The following CHST11 variants were observed in gnomAD, a reference collection of about 807,000 sequenced individuals.
CHST11 encodes carbohydrate sulfotransferase 11, also known as C4S-1.
In CHST11, 9 loss-of-function variants were observed where a neutral mutation model predicts 30.4. The observed-to-expected ratio is 0.30, with a 90% CI of 0.18 to 0.52. CHST11 has a LOEUF of 0.52. Among genes scored for constraint, CHST11 ranks in the 20% least tolerant of loss-of-function variants. The pLI is 0.97. For missense variants in CHST11, 348 were observed against 460.6 expected (o/e 0.76, Z 2.24); for synonymous variants, 152 against 187.8 (o/e 0.81, Z 1.56).
At chr12:104,649,742 A>G (rs991469206) in intron 2 of CHST11, among the ~76,000 whole-genome samples, 5 of 152,244 alleles carry the variant, frequency 3.3e-5, no homozygotes, top group African/African-American at 1.2e-4. Context: ...TTGGCAAATT[A>G]TGAGTTTTGT....
At chr12:104,462,613 A>G (rs2037420310) in intron 1 of CHST11, among the ~76,000 whole-genome samples, 1 of 152,144 alleles carries the variant, frequency 6.6e-6, no homozygotes, top group African/African-American at 2.4e-5. Flanking sequence ...AGTCTTACCA[A>G]TTTGTAGGGG....
chr12:104,690,403 T>C (rs1304350371), intron 2 of CHST11, among the ~76,000 whole-genome samples: 1 of 152,228 alleles, frequency 6.6e-6, no homozygotes, highest in Non-Finnish European at 1.5e-5. Context: ...CATCCATTTG[T>C]CGCTTCTTGT....
intron 1 of CHST11, among the ~76,000 whole-genome samples, chr12:104,589,770 G>A (rs1417108062): frequency 2.0e-5 from 3 of 152,168 alleles, no homozygotes; most frequent in African/African-American, 7.2e-5. Context: ...AGCACTTTGG[G>A]AGGCTGAGGC....
At chr12:104,748,018 A>C (rs1438568442) in intron 2 of CHST11, among the ~76,000 whole-genome samples, 1 of 152,226 alleles carries the variant, frequency 6.6e-6, no homozygotes, top group East Asian at 1.9e-4. Flanking sequence ...TAAATGTCCA[A>C]ATTAAAAATA....
chr12:104,463,294 T>C (rs1418180033), intron 1 of CHST11, among the ~76,000 whole-genome samples: 1 of 152,208 alleles, frequency 6.6e-6, no homozygotes, highest in East Asian at 1.9e-4. Flanking sequence ...TTTTTCTTTT[T>C]AGTTTTTCTT....
chr12:104,598,839 G>C (rs1035859156), intron 1 of CHST11, among the ~76,000 whole-genome samples: 5 of 150,602 alleles, frequency 3.3e-5, no homozygotes, highest in African/African-American at 9.8e-5. Flanking sequence ...TGGTGGGTGG[G>C]GTGGGCCTTG....
rs2040519259 is a variant in CHST11, at chr12:104,760,908, A to G, written c.*3105A>G. 1 of 152,206 alleles carries G rather than the reference A, an allele frequency of 6.6e-6. No individual in the cohort carries two copies. The highest frequency in any genetic ancestry group is 1.5e-5 in the Non-Finnish European group (1 of 68,034). 9.4% of individuals were successfully genotyped at this position (152,206 alleles called of 1,614,324 possible). A position where few individuals can be genotyped will look rare whatever the true frequency, so the allele number is the denominator to read the frequency against. ...TGGAAAATGAAAGTTTGTGTTTTTTAAAGAGGAATATTTGAAACTGCTTTC... is the reference window on the plus strand; with the variant it reads ...TGGAAAATGAAAGTTTGTGTTTTTTGAAGAGGAATATTTGAAACTGCTTTC... On this transcript the variant is annotated 3_prime_UTR_variant, in exon 3 of 3. Coordinates refer to ENST00000303694, the MANE Select transcript of CHST11 (RefSeq NM_018413.6).
At chr12:104,658,711 C>T (rs1012469770) in intron 2 of CHST11, among the ~76,000 whole-genome samples, 2 of 152,180 alleles carry the variant, frequency 1.3e-5, no homozygotes, top group South Asian at 2.1e-4. Flanking sequence ...TCCAATAACC[C>T]CCGCATCTGT....
chr12:104,482,883 C>A (rs2037640728), intron 1 of CHST11, among the ~76,000 whole-genome samples: 1 of 152,128 alleles, frequency 6.6e-6, no homozygotes, highest in Admixed American at 6.5e-5. Context: ...GGCTTCACGT[C>A]TGAAGTCTCT....
Position 104,716,458 on chromosome 12 carries a change from G to A in CHST11, c.205-40491G>A, listed in dbSNP as rs1419545378. Among the ~76,000 whole-genome samples the A allele has an allele frequency of 5.9e-5, 9 of 152,340 alleles. 1 individual carries two copies. Among genetic ancestry groups the A allele is most frequent in the Admixed American group, 5.2e-4 (8 of 15,310 alleles). On this transcript the variant is annotated intron_variant, in intron 2 of 2. Transcript: ENST00000303694. Reference sequence around the variant, plus strand: ...CTCATGAGTATTGTGAGAAGTAAACGAATTAATATATGGCACATTGCCATG... The same window carrying A: ...CTCATGAGTATTGTGAGAAGTAAACAAATTAATATATGGCACATTGCCATG...
chr12:104,480,814 T>C (rs1481002556), intron 1 of CHST11, among the ~76,000 whole-genome samples: 1 of 152,192 alleles, frequency 6.6e-6, no homozygotes, highest in East Asian at 1.9e-4. Flanking sequence ...AGGGCATGGA[T>C]GGGCCTGCCA....
intron 2 of CHST11, among the ~76,000 whole-genome samples, chr12:104,691,654 AT>A (rs1347970646): frequency 1.3e-5 from 2 of 151,346 alleles, no homozygotes; most frequent in Non-Finnish European, 1.5e-5. Context: ...TGCCCAGCTA[AT>A]TTTTTTTTAT....
intron 1 of CHST11, among the ~76,000 whole-genome samples, chr12:104,474,335 T>C (rs1470186003): frequency 6.6e-6 from 1 of 152,186 alleles, no homozygotes; most frequent in Non-Finnish European, 1.5e-5. Flanking sequence ...TAAAACAGCT[T>C]TCTTTGGGAG....
intron 2 of CHST11, among the ~76,000 whole-genome samples, chr12:104,745,293 T>G (rs2040381466): frequency 6.6e-6 from 1 of 152,194 alleles, no homozygotes; most frequent in Non-Finnish European, 1.5e-5. Context: ...TCTGTTCCAT[T>G]GGTCTATGTG....
chr12:104,560,174 T>C (rs1665354812), intron 1 of CHST11, among the ~76,000 whole-genome samples: 1 of 152,180 alleles, frequency 6.6e-6, no homozygotes, highest in Admixed American at 6.5e-5. Flanking sequence ...ACATAGGGTC[T>C]TAATAGTCAA....
intron 2 of CHST11, among the ~76,000 whole-genome samples, chr12:104,642,267 G>C (rs987831703): frequency 6.6e-6 from 1 of 151,922 alleles, no homozygotes. Context: ...ATGGGAGTAT[G>C]ATCTCTAATA....
intron 1 of CHST11, among the ~76,000 whole-genome samples, chr12:104,536,456 C>A (rs1391348859): frequency 6.6e-6 from 1 of 152,184 alleles, no homozygotes; most frequent in South Asian, 2.1e-4. Context: ...GAATCTCAGG[C>A]CTCACTTGTC....
intron 1 of CHST11, among the ~76,000 whole-genome samples, chr12:104,536,281 T>A (rs1592750952): frequency 7.3e-6 from 1 of 137,606 alleles, no homozygotes; most frequent in Non-Finnish European, 1.7e-5. Context: ...AAGTCTGGTG[T>A]TTATGTCATA....
intron 2 of CHST11, among the ~76,000 whole-genome samples, chr12:104,665,020 CT>C (rs1193984973): frequency 6.6e-6 from 1 of 152,214 alleles, no homozygotes; most frequent in African/African-American, 2.4e-5. Context: ...TGTGCTCTGC[CT>C]GAGTGCCTCA....
Sources: allele counts gnomAD v4.1 joint callset (sites outside exome capture counted in the v4.1 genomes callset), GRCh38; gene constraint gnomAD v4.1.1; transcripts MANE v1.5; gene names NCBI Gene and HGNC (gene_info 2026-07-23, HGNC 2026-07-21).